Variants in F2 observed in about 807,000 individuals in gnomAD.
The protein encoded by F2 is prothrombin.
In F2, 34 loss-of-function variants were observed where a neutral mutation model predicts 81.9. The observed-to-expected ratio is 0.42, with a 90% CI of 0.32 to 0.55. The LOEUF (loss-of-function observed/expected upper bound fraction) is 0.55. F2 is among the 20% of genes least tolerant of loss of function. The pLI is 0.18. For missense variants in F2, 630 were observed against 833.4 expected (o/e 0.76, Z 3.00); for synonymous variants, 296 against 326.4 (o/e 0.91, Z 1.01).
chr11:46,738,128 G>A (rs1252525035), intron 12 of F2, among the ~76,000 whole-genome samples: 1 of 152,060 alleles, frequency 6.6e-6, no homozygotes. Context: ...AGTCTCCTGA[G>A]TAGCTGGGAT....
At chr11:46,722,979 A>G in intron 4 of F2, 1 of 675,750 alleles carries the variant, frequency 1.5e-6, no homozygotes, top group Admixed American at 2.0e-5. Flanking sequence ...TGCCTGTCAT[A>G]TGGTAGGCAC....
chr11:46,723,630 C>T lies in F2; in HGVS notation c.559+112C>T. On this transcript the variant is annotated intron_variant, in intron 6 of 13. Coordinates refer to ENST00000311907, the MANE Select transcript of F2 (RefSeq NM_000506.5). The surrounding 1 kb of genome is among the most constrained non-coding windows in gnomAD (Gnocchi z 5.6). Reference sequence around the variant, plus strand: ...GGCTACCCAGGCACAGTGGCTCATGCCCGTAATCCCAGCACTTTGGGAGGC... The same window carrying T: ...GGCTACCCAGGCACAGTGGCTCATGTCCGTAATCCCAGCACTTTGGGAGGC... 7.4e-7 allele frequency: 1 copy of T among 1,358,560 alleles called. No homozygotes were observed. Among genetic ancestry groups the T allele is most frequent in the Non-Finnish European group, 1.0e-6 (1 of 989,760 alleles). The allele number at this position is 1,358,560 out of a possible 1,614,324, so 84.2% of individuals were successfully genotyped here.
chr11:46,732,851 G>A lies in F2; in HGVS notation c.1654+3290G>A, dbSNP rs2064921897. Among the ~76,000 whole-genome samples, 2 of 152,096 alleles carry A rather than the reference G, an allele frequency of 1.3e-5. 1 individual carries two copies. The highest frequency in any genetic ancestry group is 4.1e-4 in the South Asian group (2 of 4,824). Reference sequence around the variant, plus strand: ...CTTTCTGGCACAGCAAAATGATTCAGGTTAATCCTACTTTCCTTACTGTAG... The same window carrying A: ...CTTTCTGGCACAGCAAAATGATTCAAGTTAATCCTACTTTCCTTACTGTAG... On this transcript the variant is annotated intron_variant, in intron 12 of 13. Transcript: ENST00000311907.
In F2 at chr11:46,727,072, G is replaced by A. The variant is rs1481401697; in HGVS notation, c.1130+235G>A. Among the ~76,000 whole-genome samples the A allele has an allele frequency of 3.3e-5, 5 of 152,158 alleles. No homozygotes were observed. In the East Asian group the frequency reaches 7.7e-4, roughly 24 times the overall value. ...GGCTGGAGTGCAGTGCTGCAATCTCGGCTCACTACCTCGATCTCAGCTCAC... is the reference window on the plus strand; with the variant it reads ...GGCTGGAGTGCAGTGCTGCAATCTCAGCTCACTACCTCGATCTCAGCTCAC... On this transcript the variant is annotated intron_variant, in intron 9 of 13. Transcript: ENST00000311907.
rs983352182 is a variant in F2 at position 46,726,268 on chromosome 11, G to C, written c.874+95G>C. 9 of 1,529,160 alleles carry C rather than the reference G, an allele frequency of 5.9e-6. No individual in the cohort carries two copies. The highest frequency in any genetic ancestry group is 4.6e-5 in the East Asian group (2 of 43,618). The allele number at this position is 1,529,160 out of a possible 1,614,324, so 94.7% of individuals were successfully genotyped here. ...GCTTATCGAACGCTTACCTCATTGA[G>C]TGCGCTCATTACAGCCTTACAGTAA... On this transcript the variant is annotated intron_variant, in intron 7 of 13. Transcript: ENST00000311907. This position sits in a 1 kb window ranked among gnomAD's most constrained non-coding sequence, Gnocchi z 5.9.
At chr11:46,721,162 A>G (rs956770242) in intron 4 of F2, among the ~76,000 whole-genome samples, 9 of 150,170 alleles carry the variant, frequency 6.0e-5, no homozygotes, top group Non-Finnish European at 1.2e-4. Context: ...CTCTGCCTCA[A>G]CCTCCCAAGT....
At position 46,719,904 on chromosome 11, in the gene F2, G is replaced by C. The variant is rs773610151; in HGVS notation, c.240+42G>C. ...CGGACGGTGCCGGGGCCTCAGACCG[G>C]GCCCAACTCTAGACACTTCCACAGA... On this transcript the variant is annotated intron_variant, in intron 2 of 13. Coordinates refer to ENST00000311907, the MANE Select transcript of F2 (RefSeq NM_000506.5). This position sits in a 1 kb window ranked among gnomAD's most constrained non-coding sequence, Gnocchi z 4.7. 1.9e-6 allele frequency: 3 copies of C among 1,545,278 alleles called. No homozygotes were observed. Among genetic ancestry groups the C allele is most frequent in the Non-Finnish European group, 2.6e-6 (3 of 1,147,644 alleles).
Position 46,719,857 on chromosome 11 carries a change from G to A in F2, c.235G>A (p.Ala79Thr). ...EAFEALESST[A>T]TDVFWAKYTA... is the part of the protein sequence containing the mutation. The stretch of plus-strand genomic sequence containing the variant: ...CTTCGAGGCTCTGGAGTCCTCCACG[G>A]CTACGGTGAGCCTGGGCTGCTCGGA... The change falls in exon 2 of 14, where the codon GCT (alanine) becomes ACT (threonine). Residue 79 changes from alanine (A) to threonine (T), a missense_variant. By Grantham distance (58) the Ala-to-Thr change is moderately conservative (BLOSUM62 0). Coordinates refer to ENST00000311907, the MANE Select transcript of F2 (RefSeq NM_000506.5). This position sits in a 1 kb window ranked among gnomAD's most constrained non-coding sequence, Gnocchi z 4.7. 1 of 1,564,386 alleles carries A rather than the reference G, an allele frequency of 6.4e-7. No homozygotes were observed. The highest frequency in any genetic ancestry group is 8.7e-7 in the Non-Finnish European group (1 of 1,155,558).
Position 46,726,559 on chromosome 11 carries a change from A to G in F2, c.936A>G (p.Glu312=). 2 of 1,614,120 alleles carry G rather than the reference A, an allele frequency of 1.2e-6. No individual in the cohort carries two copies. The highest frequency in any genetic ancestry group is 1.7e-6 in the Non-Finnish European group (2 of 1,179,954). The change falls in exon 8 of 14, where the codon GAA becomes GAG. Residue 312 remains glutamate, a synonymous_variant. Coordinates refer to ENST00000311907, the MANE Select transcript of F2 (RefSeq NM_000506.5). The surrounding 1 kb of genome is among the most constrained non-coding windows in gnomAD (Gnocchi z 5.9). ...ATGAGGACTCAGACAGGGCCATCGA[A>G]GGGCGTACCGCCACCAGTGAGTACC... is the stretch of plus-strand genomic sequence containing the variant. ...GLDEDSDRAI[E]GRTATSEYQT... is the part of the protein sequence containing the mutation.
chr11:46,725,832 G>C, intron 6 of F2, 27 bp from the exon 7 acceptor site: 1 of 1,611,106 alleles, frequency 6.2e-7, no homozygotes. Context: ...CACTCACTCT[G>C]CTGCCTCCTT....
In F2 at chr11:46,719,621, G is replaced by A; in HGVS notation, c.80-81G>A. On this transcript the variant is annotated intron_variant, in intron 1 of 13. Coordinates refer to ENST00000311907, the MANE Select transcript of F2 (RefSeq NM_000506.5). The surrounding 1 kb of genome is among the most constrained non-coding windows in gnomAD (Gnocchi z 4.7). Reference sequence around the variant, plus strand: ...CTCTCAGAAGCCAGCAGGGGAGGGTGGGCTTGCTTCATGCCCCCAGAATGG... The same window carrying A: ...CTCTCAGAAGCCAGCAGGGGAGGGTAGGCTTGCTTCATGCCCCCAGAATGG... 9.2e-6 allele frequency: 14 copies of A among 1,517,538 alleles called. No individual in the cohort carries two copies. Among genetic ancestry groups the A allele is most frequent in the African/African-American group, 1.4e-5 (1 of 72,508 alleles). The allele number at this position is 1,517,538 out of a possible 1,614,324, so 94.0% of individuals were successfully genotyped here. A position where few individuals can be genotyped will look rare whatever the true frequency, so the allele number is the denominator to read the frequency against.
Position 46,726,640 on chromosome 11 carries a change from C to G in F2, c.1003+14C>G. Reference sequence around the variant, plus strand: ...CGGGAGAGGCAGGTGAGGTAGTGGGCATCCGAGGGGATGCGGGGCTGCGGG... The same window carrying G: ...CGGGAGAGGCAGGTGAGGTAGTGGGGATCCGAGGGGATGCGGGGCTGCGGG... On this transcript the variant is annotated intron_variant, in intron 8 of 13. Transcript: ENST00000311907. This position sits in a 1 kb window ranked among gnomAD's most constrained non-coding sequence, Gnocchi z 5.9. 6.2e-7 allele frequency: 1 copy of G among 1,608,518 alleles called. No individual in the cohort carries two copies. Among genetic ancestry groups the G allele is most frequent in the South Asian group, 1.1e-5 (1 of 91,074 alleles).
intron 12 of F2, among the ~76,000 whole-genome samples, chr11:46,736,442 T>G (rs1275849153): frequency 6.6e-6 from 1 of 152,048 alleles, no homozygotes; most frequent in African/African-American, 2.4e-5. Context: ...TTTTTTAGTT[T>G]TATTTTTTCC....
rs1259076336 is a variant in F2 at position 46,721,104 on chromosome 11, G to A, written c.316+264G>A. ...CTGTTGCCCAGGCTGGAGTGCAGTG[G>A]CACGATCTTGGCTCACTGTAAACTC... is the stretch of plus-strand genomic sequence containing the variant. On this transcript the variant is annotated intron_variant, in intron 4 of 13. Coordinates refer to ENST00000311907, the MANE Select transcript of F2 (RefSeq NM_000506.5). Among the ~76,000 whole-genome samples the A allele has an allele frequency of 2.6e-5, 4 of 152,220 alleles. No homozygotes were observed. The East Asian group carries it at 7.7e-4, about 29-fold the overall frequency.
chr11:46,732,659 A>G, intron 12 of F2, among the ~76,000 whole-genome samples: 1 of 152,110 alleles, frequency 6.6e-6, no homozygotes, highest in East Asian at 1.9e-4. Flanking sequence ...TCAGCCTTCC[A>G]AGGTTCTGGG....
In F2 at chr11:46,739,044, C is replaced by T. The variant is rs747956103; in HGVS notation, c.1655-4C>T. The T allele has an allele frequency of 2.5e-6, 4 of 1,613,576 alleles. No homozygotes were observed. The highest frequency in any genetic ancestry group is 3.3e-5 in the Admixed American group (2 of 59,990). On this transcript the variant is annotated splice_polypyrimidine_tract_variant and splice_region_variant and intron_variant, in intron 12 of 13. Coordinates refer to ENST00000311907, the MANE Select transcript of F2 (RefSeq NM_000506.5). ...CTGAGCACAGACGGCTGTTCTCTTT[C>T]AAGGTTACAAGCCTGATGAAGGGAA...
chr11:46,724,927 C>T (rs1249319902), intron 6 of F2, among the ~76,000 whole-genome samples: 1 of 151,602 alleles, frequency 6.6e-6, no homozygotes, highest in Non-Finnish European at 1.5e-5. Flanking sequence ...TGTGCCACCA[C>T]TCCTGGCTAA....
chr11:46,719,926 C>G lies in F2; in HGVS notation c.240+64C>G, dbSNP rs1592407969. On this transcript the variant is annotated intron_variant, in intron 2 of 13. Transcript: ENST00000311907. The surrounding 1 kb of genome is among the most constrained non-coding windows in gnomAD (Gnocchi z 4.7). Reference sequence around the variant, plus strand: ...CCGGGCCCAACTCTAGACACTTCCACAGAGAAGCAAGCGAGGAACGCCACA... The same window carrying G: ...CCGGGCCCAACTCTAGACACTTCCAGAGAGAAGCAAGCGAGGAACGCCACA... 1 of 1,535,238 alleles carries G rather than the reference C, an allele frequency of 6.5e-7. No individual in the cohort carries two copies. The highest frequency in any genetic ancestry group is 2.4e-5 in the East Asian group (1 of 40,932).
chr11:46,729,533 C>G lies in F2; in HGVS notation c.1626C>G (p.Ile542Met). The G allele has an allele frequency of 6.2e-7, 1 of 1,613,806 alleles. No homozygotes were observed. The highest frequency in any genetic ancestry group is 1.1e-5 in the South Asian group (1 of 91,076). ...ERPVCKDSTR[I>M]RITDNMFCAG... ...CGGTCTGCAAGGACTCCACCCGGAT[C>G]CGCATCACTGACAACATGTTCTGTG... The change falls in exon 12 of 14, where the codon ATC becomes ATG. Residue 542 changes from isoleucine to methionine, a missense_variant. Physicochemically the swap from Ile to Met is conservative, Grantham distance 10. Transcript: ENST00000311907.
Sources: gnomAD v4.1 joint callset for allele counts (sites outside exome capture counted in the v4.1 genomes callset) on GRCh38, gnomAD v4.1.1 for gene constraint, Gnocchi (gnomAD v3.1) non-coding constraint, MANE v1.5 for transcripts, NCBI Gene and HGNC (gene_info 2026-07-23, HGNC 2026-07-21) for gene names.